PTPRD: variants seen among roughly 807,000 people sequenced by gnomAD.
The protein encoded by PTPRD is protein tyrosine phosphatase receptor type D.
In PTPRD, 34 loss-of-function variants were observed where a neutral mutation model predicts 214.5. The observed-to-expected ratio is 0.16, with a 90% CI of 0.12 to 0.21. PTPRD has a LOEUF of 0.21. PTPRD is among the 10% of genes least tolerant of loss of function. The pLI is 1.00. For synonymous variants in PTPRD, 1,128 were observed against 845.7 expected, an observed-to-expected ratio of 1.33 and a Z score of -5.79; for missense variants, 2,545 against 2,398.7, an observed-to-expected ratio of 1.06 and a Z score of -1.27.
At chr9:9,384,557 C>T (rs2063319413) in intron 9 of PTPRD, among the ~76,000 whole-genome samples, 2 of 151,116 alleles carry the variant, frequency 1.3e-5, no homozygotes, top group Admixed American at 6.6e-5. Flanking sequence ...GGTCTTGGCA[C>T]TTGTAACAAC....
At position 10,157,889 on chromosome 9, in the gene PTPRD, T is replaced by C. The variant is rs546385172; in HGVS notation, c.-544-124099A>G. Among the ~76,000 whole-genome samples the C allele has an allele frequency of 7.6e-4, 115 of 152,300 alleles. No individual in the cohort carries two copies. In the Middle Eastern group the frequency reaches 0.01, roughly 14 times the overall value. On this transcript the variant is annotated intron_variant, in intron 3 of 45. Coordinates refer to ENST00000381196, the MANE Select transcript of PTPRD (RefSeq NM_002839.4). ...TTGACTATCTATTTTAGAAAGCCAG[T>C]CTTCAAGCTCTGAGATTCTTCCTTT...
At chr9:10,512,507 G>T (rs1051521077) in intron 2 of PTPRD, among the ~76,000 whole-genome samples, 4 of 152,116 alleles carry the variant, frequency 2.6e-5, no homozygotes, top group Non-Finnish European at 5.9e-5. Context: ...TGCGGTGGTG[G>T]GTTGGGGGGA....
At chr9:10,591,938 G>T (rs62539615) in intron 2 of PTPRD, among the ~76,000 whole-genome samples, 22,929 of 152,092 alleles carry the variant, frequency 0.15, 2,274 homozygotes, top group Non-Finnish European at 0.22. Flanking sequence ...TCCCACCCCT[G>T]ACAATTTGAT....
Position 9,537,276 on chromosome 9 carries a change from G to A in PTPRD, c.-237+37456C>T, listed in dbSNP as rs147603992. 1.4e-3 allele frequency among the ~76,000 whole-genome samples: 207 copies of A among 151,812 alleles called. 1 individual carries two copies. Among genetic ancestry groups the A allele is most frequent in the African/African-American group, 4.6e-3 (189 of 41,420 alleles). On this transcript the variant is annotated intron_variant, in intron 8 of 45. Transcript: ENST00000381196. ...TTATAGAAAAAAACGAAGTTTTAAC[G>A]AACTTCTGTACAGTCATACATCTTT...
intron 10 of PTPRD, among the ~76,000 whole-genome samples, chr9:9,115,747 G>A (rs1352611422): frequency 1.3e-5 from 2 of 152,106 alleles, no homozygotes; most frequent in African/African-American, 2.4e-5. Flanking sequence ...CAACTGATGA[G>A]TGGATAAAGA....
At chr9:8,813,214 T>G (rs1018711247) in intron 11 of PTPRD, among the ~76,000 whole-genome samples, 2 of 152,050 alleles carry the variant, frequency 1.3e-5, no homozygotes, top group African/African-American at 2.4e-5. Flanking sequence ...ATTATCACTG[T>G]TATTAAGTCT....
chr9:10,199,250 C>G (rs2099409975), intron 3 of PTPRD, among the ~76,000 whole-genome samples: 1 of 152,020 alleles, frequency 6.6e-6, no homozygotes, highest in Non-Finnish European at 1.5e-5. Context: ...CTATTTCTTA[C>G]CGTAATTACT....
At chr9:8,432,244 A>G (rs2095105062) in intron 35 of PTPRD, among the ~76,000 whole-genome samples, 1 of 152,230 alleles carries the variant, frequency 6.6e-6, no homozygotes, top group African/African-American at 2.4e-5. Flanking sequence ...CTTAAATTCC[A>G]GCAGGACTTT....
chr9:9,913,571 G>A (rs1157568419), intron 5 of PTPRD, among the ~76,000 whole-genome samples: 2 of 152,068 alleles, frequency 1.3e-5, no homozygotes, highest in African/African-American at 4.8e-5. Context: ...AATTCAGGAG[G>A]GCAGCACAGA....
chr9:8,872,586 C>A (rs1415415314), intron 11 of PTPRD, among the ~76,000 whole-genome samples: 1 of 152,184 alleles, frequency 6.6e-6, no homozygotes, highest in Non-Finnish European at 1.5e-5. Flanking sequence ...GGTATCTGCA[C>A]AAAGCGTGAT....
chr9:10,055,169 G>A (rs554414514), intron 3 of PTPRD, among the ~76,000 whole-genome samples: 1 of 152,074 alleles, frequency 6.6e-6, no homozygotes, highest in African/African-American at 2.4e-5. Flanking sequence ...AGAAATAAAT[G>A]TCTATTGTTT....
chr9:10,591,453 A>C (rs1275903556), intron 2 of PTPRD, among the ~76,000 whole-genome samples: 1 of 152,090 alleles, frequency 6.6e-6, no homozygotes, highest in Non-Finnish European at 1.5e-5. Context: ...ATGTGAACAC[A>C]GGATGAAAAG....
At chr9:8,452,796 C>G (rs2096011949) in intron 33 of PTPRD, among the ~76,000 whole-genome samples, 1 of 152,036 alleles carries the variant, frequency 6.6e-6, no homozygotes, top group African/African-American at 2.4e-5. Context: ...CTACTCTGGT[C>G]TACGGGGTAT....
At chr9:9,400,088 A>C (rs1444650250) in intron 8 of PTPRD, among the ~76,000 whole-genome samples, 2 of 121,560 alleles carry the variant, frequency 1.6e-5, no homozygotes, top group African/African-American at 3.4e-5. Flanking sequence ...AACTTTACCT[A>C]CTAGTTTTTT....
At chr9:10,028,209 C>T (rs967809758) in intron 4 of PTPRD, among the ~76,000 whole-genome samples, 4 of 152,162 alleles carry the variant, frequency 2.6e-5, no homozygotes, top group African/African-American at 7.2e-5. Flanking sequence ...GTGAGACATG[C>T]GTTTCACCTT....
intron 12 of PTPRD, among the ~76,000 whole-genome samples, chr9:8,678,691 G>T (rs2097487732): frequency 6.6e-6 from 1 of 152,142 alleles, no homozygotes; most frequent in South Asian, 2.1e-4. Context: ...TAGTATAAAT[G>T]TTTCTGAAAG....
In PTPRD at chr9:10,057,851, CA is replaced by C. The variant is rs112975551; in HGVS notation, c.-544-24062del. ...AGTGAGACTCCGTCTCAAAAAAAAA[CA>C]AAAAAAAAACAAAAAAAAAGTGAGT... On this transcript the variant is annotated intron_variant, in intron 3 of 45. Coordinates refer to ENST00000381196, the MANE Select transcript of PTPRD (RefSeq NM_002839.4). Among the ~76,000 whole-genome samples, 18 of 140,938 alleles carry C rather than the reference CA, an allele frequency of 1.3e-4. No individual in the cohort carries two copies. In the East Asian group the frequency reaches 2.1e-3, roughly 16 times the overall value. The allele number at this position is 140,938 out of a possible 152,430, so 92.5% of individuals were successfully genotyped here. A position where few individuals can be genotyped will look rare whatever the true frequency, so the allele number is the denominator to read the frequency against.
At chr9:9,041,245 G>C (rs1003933906) in intron 10 of PTPRD, among the ~76,000 whole-genome samples, 4 of 152,060 alleles carry the variant, frequency 2.6e-5, no homozygotes, top group Middle Eastern at 3.2e-3. Context: ...CAGGGGTACA[G>C]GTGCGGGTTT....
intron 14 of PTPRD, among the ~76,000 whole-genome samples, chr9:8,597,255 CA>C (rs975013139): frequency 2.0e-5 from 3 of 151,904 alleles, no homozygotes; most frequent in African/African-American, 7.3e-5. Flanking sequence ...TTAATAGCCT[CA>C]AAAATTGGAA....
Sources: allele counts gnomAD v4.1 joint callset (sites outside exome capture counted in the v4.1 genomes callset), GRCh38; gene constraint gnomAD v4.1.1; transcripts MANE v1.5; gene names NCBI Gene and HGNC (gene_info 2026-07-23, HGNC 2026-07-21).